FHL2: variants seen among roughly 807,000 people sequenced by gnomAD.
The protein encoded by FHL2 is four and a half LIM domains protein 2.
Under a neutral mutation model 32.7 loss-of-function variants are expected in FHL2, and 20 were observed. The observed-to-expected ratio is 0.61, with a 90% CI of 0.43 to 0.89. The LOEUF (loss-of-function observed/expected upper bound fraction) is 0.89, where lower values mean the gene tolerates loss of function less well. Among genes scored for constraint, FHL2 ranks in the 40% least tolerant of loss-of-function variants. The pLI, the probability that FHL2 is intolerant of heterozygous loss-of-function variation, is 0.00. For synonymous variants in FHL2, 123 were observed against 128.1 expected (o/e 0.96, Z 0.27); for missense variants, 311 against 358.6 (o/e 0.87, Z 1.07).
chr2:105,405,395 A>G (rs1370415793), intron 1 of FHL2, among the ~76,000 whole-genome samples: 1 of 152,150 alleles, frequency 6.6e-6, no homozygotes, highest in African/African-American at 2.4e-5. Flanking sequence ...CTCATGCCTC[A>G]CTTGTTCCTC....
chr2:105,417,475 A>G (rs1368874239), intron 1 of FHL2, among the ~76,000 whole-genome samples: 1 of 152,084 alleles, frequency 6.6e-6, no homozygotes, highest in Non-Finnish European at 1.5e-5. Context: ...GTCTGAGCTC[A>G]GAGTTCGCGA....
chr2:105,399,479 A>G (rs1485964806), upstream of FHL2: 6 of 1,536,038 alleles, frequency 3.9e-6, no homozygotes, highest in Admixed American at 2.0e-5. Flanking sequence ...ATATATTTGC[A>G]AGGTGGACGT....
At chr2:105,407,194 C>T (rs1683659776) in intron 1 of FHL2, among the ~76,000 whole-genome samples, 1 of 152,022 alleles carries the variant, frequency 6.6e-6, no homozygotes, top group African/African-American at 2.4e-5. Context: ...AGATAGAGAC[C>T]ATCCTGGCTA....
In FHL2 at chr2:105,361,344, C is replaced by G; in HGVS notation, c.779G>C (p.Gly260Ala). The change falls in exon 7 of 7, where the codon GGG (glycine) becomes GCG (alanine). Residue 260 changes from glycine (G) to alanine (A), a missense_variant. By Grantham distance (60) the Gly-to-Ala change is moderately conservative. Transcript: ENST00000530340. ...GTCCCTCTCTGTGAGGAAGCCACGC[C>G]CCACCAGTGAGAGGGAGCACTTCTT... ...NCKKCSLSLVGRGFLTERDDI... is the reference protein window; with the variant it reads ...NCKKCSLSLVARGFLTERDDI... 1 of 1,614,058 alleles carries G rather than the reference C, an allele frequency of 6.2e-7. No homozygotes were observed. The highest frequency in any genetic ancestry group is 1.1e-5 in the South Asian group (1 of 91,072).
chr2:105,391,577 C>T (rs537027803), intron 2 of FHL2, among the ~76,000 whole-genome samples: 1 of 152,260 alleles, frequency 6.6e-6, no homozygotes, highest in Non-Finnish European at 1.5e-5. Context: ...TGTTCATGGA[C>T]TTGGGTATGC....
At chr2:105,390,037 G>C (rs1682603279) in intron 2 of FHL2, 4 of 152,118 alleles carry the variant, frequency 2.6e-5, no homozygotes, top group Admixed American at 2.6e-4. Context: ...GACCATCCTG[G>C]CTAACACGGT....
intron 1 of FHL2, among the ~76,000 whole-genome samples, chr2:105,415,615 G>A (rs1256512428): frequency 1.3e-5 from 2 of 152,172 alleles, no homozygotes. Context: ...AATAATATGT[G>A]ACACAGTTTG....
intron 1 of FHL2, among the ~76,000 whole-genome samples, chr2:105,436,145 A>G (rs2104689999): frequency 6.6e-6 from 1 of 152,254 alleles, no homozygotes. Flanking sequence ...TTTTTCATCC[A>G]CATTTTAGTG....
chr2:105,433,158 A>G (rs1443425667), intron 1 of FHL2, among the ~76,000 whole-genome samples: 1 of 150,340 alleles, frequency 6.7e-6, no homozygotes, highest in Non-Finnish European at 1.5e-5. Context: ...AAATAAGTTC[A>G]AAGTCCTCAT....
intron 3 of FHL2, chr2:105,378,471 C>T (rs1441708485): frequency 1.5e-5 from 4 of 275,800 alleles, no homozygotes; most frequent in African/African-American, 2.2e-5. Flanking sequence ...AGATGCTGCC[C>T]TTTCCCTTCA....
intron 1 of FHL2, among the ~76,000 whole-genome samples, chr2:105,409,071 G>A (rs1458565448): frequency 6.6e-6 from 1 of 152,190 alleles, no homozygotes; most frequent in Non-Finnish European, 1.5e-5. Context: ...GCCCAAAGAA[G>A]GAGAAAGCCT....
Position 105,373,252 on chromosome 2 carries a change from G to T in FHL2, c.331+307C>A, listed in dbSNP as rs538920278. Among the ~76,000 whole-genome samples the T allele has an allele frequency of 1.1e-3, 168 of 152,326 alleles. 1 individual carries two copies. The highest frequency in any genetic ancestry group is 1.6e-3 in the Non-Finnish European group (106 of 68,036). ...GAAGAAAAGAGAAACTATCTATGGT[G>T]GTGGGAGAGTGGGGGCTGATGCAGG... On this transcript the variant is annotated intron_variant, in intron 4 of 6. Transcript: ENST00000530340.
chr2:105,421,179 G>A (rs1684094248), intron 1 of FHL2, among the ~76,000 whole-genome samples: 2 of 152,186 alleles, frequency 1.3e-5, no homozygotes, highest in Admixed American at 1.3e-4. Context: ...ACTGTCCCTG[G>A]TCCCATCGTC....
At chr2:105,429,318 A>G (rs1159993785) in intron 1 of FHL2, among the ~76,000 whole-genome samples, 1 of 152,218 alleles carries the variant, frequency 6.6e-6, no homozygotes, top group Non-Finnish European at 1.5e-5. Context: ...CATGAATATG[A>G]CACCTTACAT....
At chr2:105,395,596 C>G (rs543882777) in intron 2 of FHL2, among the ~76,000 whole-genome samples, 1 of 152,302 alleles carries the variant, frequency 6.6e-6, no homozygotes, top group African/African-American at 2.4e-5. Context: ...GACTCTGTCC[C>G]GAGAGGCTTG....
chr2:105,418,360 C>G (rs941229398), intron 1 of FHL2, among the ~76,000 whole-genome samples: 1 of 152,062 alleles, frequency 6.6e-6, no homozygotes, highest in African/African-American at 2.4e-5. Context: ...AACACTCTCC[C>G]CAACAGAAAC....
intron 2 of FHL2, among the ~76,000 whole-genome samples, chr2:105,389,086 C>T (rs1337965787): frequency 6.6e-6 from 1 of 152,204 alleles, no homozygotes; most frequent in Non-Finnish European, 1.5e-5. Context: ...TTGGATATTT[C>T]TGTGTTTACA....
chr2:105,379,331 C>A, intron 3 of FHL2, among the ~76,000 whole-genome samples: 1 of 152,182 alleles, frequency 6.6e-6, no homozygotes, highest in East Asian at 1.9e-4. Context: ...AGAGTTGCCT[C>A]AATGTGTCAC....
intron 1 of FHL2, among the ~76,000 whole-genome samples, chr2:105,431,809 G>T (rs1684441812): frequency 1.3e-5 from 2 of 152,194 alleles, no homozygotes; most frequent in Admixed American, 6.5e-5. Context: ...TTGCCTGGCT[G>T]CTCCTGCCCA....
Sources: gnomAD v4.1 joint callset for allele counts (sites outside exome capture counted in the v4.1 genomes callset) on GRCh38, gnomAD v4.1.1 for gene constraint, MANE v1.5 for transcripts, NCBI Gene and HGNC (gene_info 2026-07-23, HGNC 2026-07-21) for gene names.